The following VPS8 variants were observed in gnomAD, a reference collection of about 807,000 sequenced individuals.
The protein encoded by VPS8 is VPS8 subunit of CORVET complex, also known as vacuolar protein sorting-associated protein 8 homolog.
A neutral mutation model predicts 216.4 loss-of-function variants in VPS8; 129 were observed. That is an observed-to-expected ratio of 0.60 (90% CI 0.52 to 0.69). The LOEUF (loss-of-function observed/expected upper bound fraction) is 0.69, where lower values mean the gene tolerates loss of function less well. Ranked by LOEUF, VPS8 falls within the 30% of genes least tolerant of loss-of-function variation. VPS8 has a pLI of 0.00. For synonymous variants in VPS8, 571 were observed against 565.4 expected (o/e 1.01, Z -0.14); for missense variants, 1,531 against 1,683.5 (o/e 0.91, Z 1.59).
chr3:185,048,938 G>A (rs1481075720), intron 47 of VPS8, among the ~76,000 whole-genome samples: 1 of 152,192 alleles, frequency 6.6e-6, no homozygotes, highest in Non-Finnish European at 1.5e-5. Context: ...GGTTGAATTA[G>A]TTTTGGCCAT....
intron 1 of VPS8, among the ~76,000 whole-genome samples, chr3:184,821,069 G>T (rs1051515882): frequency 6.6e-6 from 1 of 152,236 alleles, no homozygotes; most frequent in Non-Finnish European, 1.5e-5. Context: ...AAATTTTGAG[G>T]TTTTAAATGT....
At chr3:184,991,070 G>A (rs1239571908) in intron 42 of VPS8, among the ~76,000 whole-genome samples, 1 of 152,048 alleles carries the variant, frequency 6.6e-6, no homozygotes. Context: ...CTGAGGAAAG[G>A]CAAACAAATT....
intron 30 of VPS8, 142 bp downstream of exon 30, chr3:184,925,123 TA>T (rs1402048075): frequency 1.7e-5 from 19 of 1,129,090 alleles, no homozygotes; most frequent in Non-Finnish European, 2.1e-5. Flanking sequence ...GGATCTAAGT[TA>T]GGGGGGTATG....
Position 184,868,031 on chromosome 3 carries a change from A to G in VPS8, c.1478A>G (p.Tyr493Cys). ...CATCTCTTTACTTTCCAGTCTGTTT[A>G]TGTGATGATGCTGAGGAGCTGGAGA... Reference protein sequence around the residue: ...QIFYLGTKSVYVMMLRSWRER... With the variant: ...QIFYLGTKSVCVMMLRSWRER... The change falls in exon 18 of 48, where the codon TAT (tyrosine) becomes TGT (cysteine). Residue 493 changes from tyrosine to cysteine, a missense_variant. Tyr to Cys is a radical substitution (Grantham distance 194). Around this residue, in one of 3 missense-constraint regions of VPS8, gnomAD observed 1,318 missense variants for 1,468.4 expected, o/e 0.90. Coordinates refer to ENST00000625842, the MANE Select transcript of VPS8 (RefSeq NM_001009921.3). The G allele has an allele frequency of 6.2e-7, 1 of 1,612,884 alleles. No individual in the cohort carries two copies. Among genetic ancestry groups the G allele is most frequent in the South Asian group, 1.1e-5 (1 of 90,998 alleles).
At chr3:184,952,493 A>G (rs1443847738) in intron 36 of VPS8, among the ~76,000 whole-genome samples, 1 of 151,890 alleles carries the variant, frequency 6.6e-6, no homozygotes, top group Non-Finnish European at 1.5e-5. Flanking sequence ...TGGCCATTCT[A>G]CGGGCTGGGA....
At chr3:185,016,934 G>A (rs6762879) in intron 45 of VPS8, among the ~76,000 whole-genome samples, 137,310 of 151,968 alleles carry the variant, frequency 0.9, 62,996 homozygotes, top group Non-Finnish European at 0.98. Context: ...GCCACCATCA[G>A]AAATGATATC....
At position 184,886,152 on chromosome 3, in the gene VPS8, C is replaced by T. The variant is rs1321090380; in HGVS notation, c.1777C>T (p.Arg593Ter). The change falls in exon 22 of 48, where the codon CGA becomes TGA. Residue 593 changes from arginine to a stop codon, truncating the protein, a stop_gained. Coordinates refer to ENST00000625842, the MANE Select transcript of VPS8 (RefSeq NM_001009921.3). LOFTEE classifies it high-confidence loss of function. ...AGTTGATTACTGCCTTCTGCTGCAG[C>T]GAAAGTGAGTATGCGTTGCCTGTCA... ...VIVDYCLLLQ[R>*]KDLLFSQMYD... 8.7e-6 allele frequency: 14 copies of T among 1,607,730 alleles called. No individual in the cohort carries two copies. Among genetic ancestry groups the T allele is most frequent in the Non-Finnish European group, 1.2e-5 (14 of 1,176,928 alleles).
intron 36 of VPS8, among the ~76,000 whole-genome samples, chr3:184,948,843 A>G (rs1315533933): frequency 1.3e-5 from 2 of 152,248 alleles, no homozygotes; most frequent in East Asian, 3.8e-4. Context: ...AATGATTCAA[A>G]TAACATTTAT....
intron 46 of VPS8, among the ~76,000 whole-genome samples, chr3:185,040,656 T>C (rs532463224): frequency 6.5e-4 from 99 of 152,260 alleles, no homozygotes; most frequent in Admixed American, 1.7e-3. Flanking sequence ...TACATTCTGT[T>C]TCTGTAAATG....
chr3:184,880,166 C>T (rs1429461049), intron 21 of VPS8, among the ~76,000 whole-genome samples: 1 of 152,070 alleles, frequency 6.6e-6, no homozygotes, highest in Non-Finnish European at 1.5e-5. Flanking sequence ...TACCCTTAAA[C>T]CAATTTTCCC....
chr3:184,907,044 C>G (rs916286647), intron 25 of VPS8, among the ~76,000 whole-genome samples: 1 of 152,142 alleles, frequency 6.6e-6, no homozygotes, highest in Non-Finnish European at 1.5e-5. Flanking sequence ...GTGACACAGC[C>G]TCAGGGTCCT....
chr3:184,856,391 A>G (rs1340852500), intron 14 of VPS8, among the ~76,000 whole-genome samples: 1 of 152,218 alleles, frequency 6.6e-6, no homozygotes, highest in African/African-American at 2.4e-5. Context: ...TATGAAGGAT[A>G]TACTGCAACT....
chr3:184,903,855 A>G (rs988780889), intron 25 of VPS8, among the ~76,000 whole-genome samples: 2 of 152,148 alleles, frequency 1.3e-5, no homozygotes, highest in African/African-American at 4.8e-5. Context: ...TACTGTCTTA[A>G]TATTACCAAA....
intron 28 of VPS8, among the ~76,000 whole-genome samples, chr3:184,917,971 C>T (rs2109110070): frequency 6.6e-6 from 1 of 152,246 alleles, no homozygotes; most frequent in East Asian, 1.9e-4. Context: ...CTCCTAATAA[C>T]CATCACATTG....
chr3:184,829,574 A>G (rs1719555328), intron 3 of VPS8, among the ~76,000 whole-genome samples: 1 of 152,162 alleles, frequency 6.6e-6, no homozygotes, highest in Non-Finnish European at 1.5e-5. Flanking sequence ...CATCAGGTAT[A>G]GTTATATTCA....
chr3:184,880,223 G>A (rs1730034510), intron 21 of VPS8, among the ~76,000 whole-genome samples: 1 of 152,052 alleles, frequency 6.6e-6, no homozygotes, highest in Non-Finnish European at 1.5e-5. Flanking sequence ...GCATAACCAG[G>A]ATATTGATAT....
intron 41 of VPS8, among the ~76,000 whole-genome samples, 180 bp from the exon 42 acceptor site, chr3:184,982,832 T>C (rs1750436288): frequency 6.6e-6 from 1 of 152,202 alleles, no homozygotes; most frequent in Non-Finnish European, 1.5e-5. Context: ...TCATATAATT[T>C]ATCTTAAGTA....
At chr3:184,990,925 GT>G (rs5855051) in intron 42 of VPS8, among the ~76,000 whole-genome samples, 80,935 of 148,092 alleles carry the variant, frequency 0.55, 22,256 homozygotes, top group Non-Finnish European at 0.58. Flanking sequence ...AAATTACACC[GT>G]TTTTTTTTTT....
chr3:184,999,560 T>A, intron 44 of VPS8, 136 bp from the exon 45 acceptor site: 1 of 1,059,710 alleles, frequency 9.4e-7, no homozygotes, highest in Non-Finnish European at 1.3e-6. Context: ...ATTCCCTTTC[T>A]TGTTTCTTAC....
Sources: allele counts gnomAD v4.1 joint callset (sites outside exome capture counted in the v4.1 genomes callset), GRCh38; gene constraint gnomAD v4.1.1; regional missense constraint gnomAD v4.1.1; transcripts MANE v1.5; gene names NCBI Gene and HGNC (gene_info 2026-07-23, HGNC 2026-07-21).